Variants in TPCN1 observed in about 807,000 individuals in gnomAD.
TPCN1 encodes the protein two pore segment channel 1.
In TPCN1, 52 loss-of-function variants were observed where a neutral mutation model predicts 108.8. The observed-to-expected ratio is 0.48, with a 90% CI of 0.38 to 0.60. The LOEUF is 0.60. TPCN1 is among the 20% of genes least tolerant of loss of function. TPCN1 has a pLI of 0.00. For synonymous variants in TPCN1, 446 were observed against 433.7 expected (o/e 1.03, Z -0.35); for missense variants, 806 against 1,072.8 (o/e 0.75, Z 3.47).
At chr12:113,276,885 TC>T in intron 10 of TPCN1, 33 bp from the exon 11 acceptor site, 1 of 1,495,664 alleles carries the variant, frequency 6.7e-7, no homozygotes. Context: ...CCACTCAAGG[TC>T]CTGAGCTAGG....
At chr12:113,226,672 C>G in intron 1 of TPCN1, 56 bp from the exon 2 acceptor site, 1 of 1,303,704 alleles carries the variant, frequency 7.7e-7, no homozygotes, top group Non-Finnish European at 1.0e-6. Flanking sequence ...ATAGATTCAT[C>G]AGTCATGGCT....
intron 4 of TPCN1, among the ~76,000 whole-genome samples, 172 bp from the exon 5 acceptor site, chr12:113,267,671 A>G (rs1415464516): frequency 6.6e-6 from 1 of 152,094 alleles, no homozygotes; most frequent in Non-Finnish European, 1.5e-5. Context: ...TGTTCTGGGG[A>G]AAGCTCCGTG....
intron 2 of TPCN1, chr12:113,244,225 T>C (rs16942667): frequency 0.087 from 68,180 of 784,566 alleles, 3,644 homozygotes; most frequent in African/African-American, 0.21. Context: ...GAACAGGGCT[T>C]GACCCGTGGT....
rs772103638 is a variant in TPCN1, at chr12:113,288,183, G to A, written c.1655G>A (p.Arg552His). 53 of 1,613,674 alleles carry A rather than the reference G, an allele frequency of 3.3e-5. No homozygotes were observed. The highest frequency in any genetic ancestry group is 6.7e-5 in the Admixed American group (4 of 59,970). Residue 552 changes from arginine to histidine, a missense_variant, in exon 20 of 28, where the codon CGC (arginine) becomes CAC (histidine). Arg to His is a conservative substitution (Grantham distance 29, BLOSUM62 0). Coordinates refer to ENST00000335509, the MANE Select transcript of TPCN1 (RefSeq NM_017901.6). The surrounding 1 kb of genome is among the most constrained non-coding windows in gnomAD (Gnocchi z 4.8). ...CTCAGGTTGTTTAAGTTGAAGGAGC[G>A]CTACCGCAACGTGCTGGACACCATG... The part of the protein sequence containing the change: ...QLLRLFKLKE[R>H]YRNVLDTMFE...
chr12:113,267,913 TG>T lies in TPCN1; in HGVS notation c.488del (p.Gly163AlafsTer38). 1.9e-6 allele frequency: 3 copies of T among 1,614,174 alleles called. No homozygotes were observed. Among genetic ancestry groups the T allele is most frequent in the Non-Finnish European group, 2.5e-6 (3 of 1,179,996 alleles). ...GAACTCTGCATGAAGTTACGCTGGCTGGGCCTCCACACCTTCATCCGGCACA... is the reference window on the plus strand; with the variant it reads ...GAACTCTGCATGAAGTTACGCTGGCTGGCCTCCACACCTTCATCCGGCACA... Reference protein sequence around the residue: ...VFELCMKLRWLGLHTFIRHKR... With the variant: ...VFELCMKLRWXGLHTFIRHKR... On this transcript the variant is annotated frameshift_variant, in exon 5 of 28. Transcript: ENST00000335509. LOFTEE classifies it high-confidence loss of function.
rs553929019 is a variant in TPCN1, at chr12:113,230,885, G to A, written c.112+3921G>A. Among the ~76,000 whole-genome samples the A allele has an allele frequency of 9.2e-5, 14 of 152,340 alleles. No individual in the cohort carries two copies. The East Asian group carries it at 1.9e-3, about 21-fold the overall frequency. ...CATGGGAGTGGCAGTGTAAGGGCCCGAGTTAGAGGTGGGCAGCCTCCCTCC... is the reference window on the plus strand; with the variant it reads ...CATGGGAGTGGCAGTGTAAGGGCCCAAGTTAGAGGTGGGCAGCCTCCCTCC... On this transcript the variant is annotated intron_variant, in intron 2 of 27. Transcript: ENST00000335509.
At chr12:113,291,831 C>A (rs1268703096) in intron 24 of TPCN1, 43 bp from the exon 25 acceptor site, 7 of 1,482,054 alleles carry the variant, frequency 4.7e-6, no homozygotes, top group South Asian at 2.3e-5. Context: ...ACCTACCCAC[C>A]CTCCTCCCCT....
intron 2 of TPCN1, among the ~76,000 whole-genome samples, chr12:113,242,991 C>T (rs929277769): frequency 6.6e-6 from 1 of 152,232 alleles, no homozygotes; most frequent in Non-Finnish European, 1.5e-5. Context: ...CAACACCTAG[C>T]ACAATGCCTG....
At chr12:113,247,254 AT>A (rs1199279695) in intron 2 of TPCN1, among the ~76,000 whole-genome samples, 1 of 152,086 alleles carries the variant, frequency 6.6e-6, no homozygotes, top group South Asian at 2.1e-4. Context: ...GCCTGCCGGG[AT>A]TGGTTCCCCA....
rs1280823745 is a variant in TPCN1, at chr12:113,272,698, TA to T, written c.783+8del. 1 of 1,613,280 alleles carries T rather than the reference TA, an allele frequency of 6.2e-7. No individual in the cohort carries two copies. The highest frequency in any genetic ancestry group is 1.7e-5 in the Admixed American group (1 of 60,036). The stretch of plus-strand genomic sequence containing the variant: ...CCCCTAACCCTTCAGACCCCGTAAG[TA>T]ATCAGCACATTTGTCCGTCTCTTCT... On this transcript the variant is annotated splice_region_variant and intron_variant, in intron 8 of 27. Transcript: ENST00000335509. This position sits in a 1 kb window ranked among gnomAD's most constrained non-coding sequence, Gnocchi z 4.1.
chr12:113,292,864 G>A, intron 25 of TPCN1, 70 bp from the exon 26 acceptor site: 1 of 1,553,296 alleles, frequency 6.4e-7, no homozygotes. Flanking sequence ...GGGGCAAGGA[G>A]GTACGAGACC....
intron 2 of TPCN1, among the ~76,000 whole-genome samples, chr12:113,239,080 G>A (rs541457028): frequency 1.3e-5 from 2 of 152,300 alleles, no homozygotes; most frequent in African/African-American, 4.8e-5. Context: ...ACTGCAGTGA[G>A]CCATGATCAC....
chr12:113,288,585 T>C lies in TPCN1; in HGVS notation c.1707-173T>C. On this transcript the variant is annotated intron_variant, in intron 20 of 27. Coordinates refer to ENST00000335509, the MANE Select transcript of TPCN1 (RefSeq NM_017901.6). This position sits in a 1 kb window ranked among gnomAD's most constrained non-coding sequence, Gnocchi z 4.8. The stretch of plus-strand genomic sequence containing the variant: ...TTCATAGCGTCCTGACTTGAGCTGT[T>C]TTTCACCCCAGAGCTGCCCCACGAG... 1 of 1,473,604 alleles carries C rather than the reference T, an allele frequency of 6.8e-7. No individual in the cohort carries two copies. 91.3% of individuals were successfully genotyped at this position (1,473,604 alleles called of 1,614,324 possible). A position where few individuals can be genotyped will look rare whatever the true frequency, so the allele number is the denominator to read the frequency against.
intron 2 of TPCN1, chr12:113,246,149 A>C: frequency 2.4e-6 from 1 of 415,524 alleles, no homozygotes; most frequent in Non-Finnish European, 4.9e-6. Flanking sequence ...TTGTATTCTC[A>C]TGCCTGTCAG....
chr12:113,223,165 G>T (rs182606041), intron 1 of TPCN1, among the ~76,000 whole-genome samples: 12 of 152,314 alleles, frequency 7.9e-5, no homozygotes, highest in African/African-American at 2.9e-4. Flanking sequence ...AAACTCACAG[G>T]AAGTGTGCTG....
intron 3 of TPCN1, among the ~76,000 whole-genome samples, chr12:113,264,542 G>C (rs550460651): frequency 6.6e-6 from 1 of 152,150 alleles, no homozygotes; most frequent in African/African-American, 2.4e-5. Context: ...AGCCAGGTGT[G>C]GTGGTGCACG....
In TPCN1 at chr12:113,287,114, C is replaced by T. The variant is rs773694372; in HGVS notation, c.1634+20C>T. On this transcript the variant is annotated intron_variant, in intron 19 of 27. Coordinates refer to ENST00000335509, the MANE Select transcript of TPCN1 (RefSeq NM_017901.6). ...GCTGAGGTGATGGGCAGGGCAGAGC[C>T]GGAGACAGGGAGAAAGAGAGGGAGG... The T allele has an allele frequency of 1.5e-5, 24 of 1,588,410 alleles. No individual in the cohort carries two copies. The highest frequency in any genetic ancestry group is 1.7e-4 in the Middle Eastern group (1 of 6,034).
rs7135901 is a variant in TPCN1 at position 113,268,157 on chromosome 12, T to A, written c.528+201T>A. 6.6e-6 allele frequency among the ~76,000 whole-genome samples: 1 copy of A among 152,234 alleles called. No homozygotes were observed. Among genetic ancestry groups the A allele is most frequent in the East Asian group, 1.9e-4 (1 of 5,162 alleles). ...TGATGCCAGCAGTAGCTAATGTGAT[T>A]GGGTGTTTGGTACCTGCCAGGCACT... On this transcript the variant is annotated intron_variant, in intron 5 of 27. Transcript: ENST00000335509. The surrounding 1 kb of genome is among the most constrained non-coding windows in gnomAD (Gnocchi z 7.3).
chr12:113,236,138 C>T (rs1449500587), intron 2 of TPCN1, among the ~76,000 whole-genome samples: 1 of 152,174 alleles, frequency 6.6e-6, no homozygotes, highest in Non-Finnish European at 1.5e-5. Flanking sequence ...AGTGTCTGAA[C>T]ATTCATTCAT....
Sources: gnomAD v4.1 joint callset for allele counts (sites outside exome capture counted in the v4.1 genomes callset) on GRCh38, gnomAD v4.1.1 for gene constraint, Gnocchi (gnomAD v3.1) non-coding constraint, MANE v1.5 for transcripts, NCBI Gene and HGNC (gene_info 2026-07-23, HGNC 2026-07-21) for gene names.